CLCN5: variants seen among roughly 807,000 people sequenced by gnomAD.
CLCN5 encodes H(+)/Cl(-) exchange transporter 5.
CLCN5 carries 17 observed loss-of-function variants against 54.0 expected under a neutral mutation model. The ratio of observed to expected loss-of-function variants is 0.31; its 90% CI spans 0.22 to 0.47. The LOEUF is 0.47. Ranked by LOEUF, CLCN5 falls within the 20% of genes least tolerant of loss-of-function variation. CLCN5 has a pLI of 1.00. For missense variants in CLCN5, 448 were observed against 646.7 expected, an observed-to-expected ratio of 0.69 and a Z score of 3.33; for synonymous variants, 222 against 233.0, an observed-to-expected ratio of 0.95 and a Z score of 0.43.
At chrX:50,069,795 G>A (rs1458857640) in intron 4 of CLCN5, 84 bp from the exon 5 acceptor site, 3 of 1,103,100 alleles carry the variant, frequency 2.7e-6, no homozygotes, top group Non-Finnish European at 3.6e-6. Context: ...ATAGTTTAAG[G>A]GCCCGCCTTT....
chrX:50,075,518 C>T (rs868945526), intron 6 of CLCN5, among the ~76,000 whole-genome samples: 1 of 110,964 alleles, frequency 9.0e-6, no homozygotes, highest in Non-Finnish European at 1.9e-5. Context: ...AAGACAGGCC[C>T]ACTAGCCCCT....
chrX:50,067,767 A>C (rs1356558014), intron 4 of CLCN5: 1 of 744,936 alleles, frequency 1.3e-6, no homozygotes, highest in East Asian at 1.5e-4. Context: ...GAAGGTAAGC[A>C]GACTTGAGCC....
intron 3 of CLCN5, among the ~76,000 whole-genome samples, chrX:49,954,023 T>C (rs782642690): frequency 8.9e-5 from 10 of 112,457 alleles, no homozygotes; most frequent in Non-Finnish European, 1.3e-4. Context: ...TATAAGTTAT[T>C]TTTAAGGATA....
Position 50,090,531 on chromosome X carries a change from G to A in CLCN5, c.2143+17G>A. On this transcript the variant is annotated intron_variant, in intron 13 of 14. Transcript: ENST00000376091. ...TTTCAATTGGTAAGGATTTCAGAAA[G>A]GGGATAGTGGAATCCACTGTGGAAC... 8.4e-7 allele frequency: 1 copy of A among 1,196,239 alleles called. No homozygotes were observed. The highest frequency in any genetic ancestry group is 2.3e-4 in the Middle Eastern group (1 of 4,305).
chrX:50,042,837 T>C (rs781919519), intron 4 of CLCN5, among the ~76,000 whole-genome samples: 1 of 112,189 alleles, frequency 8.9e-6, no homozygotes, highest in African/African-American at 3.2e-5. Flanking sequence ...TTTCTTCTTC[T>C]TGCTGAGTAG....
At chrX:50,045,206 T>G (rs1346127455) in intron 4 of CLCN5, among the ~76,000 whole-genome samples, 1 of 111,474 alleles carries the variant, frequency 9.0e-6, no homozygotes, top group African/African-American at 3.3e-5. Context: ...CTTGGGAAGA[T>G]ATGTCAGGAA....
intron 2 of CLCN5, 89 bp from the exon 3 acceptor site, chrX:49,925,082 A>G: frequency 4.5e-6 from 2 of 445,009 alleles, no homozygotes; most frequent in Non-Finnish European, 7.8e-6. Context: ...TCTTTGAAAG[A>G]GAGGTTCAGA....
At chrX:49,943,151 G>C (rs1926475516) in intron 3 of CLCN5, among the ~76,000 whole-genome samples, 1 of 104,228 alleles carries the variant, frequency 9.6e-6, no homozygotes, top group Non-Finnish European at 2.0e-5. Context: ...TTCTCTGATG[G>C]CCAGTGATGA....
chrX:49,944,231 T>A (rs1281565268), intron 3 of CLCN5, among the ~76,000 whole-genome samples: 1 of 111,856 alleles, frequency 8.9e-6, no homozygotes, highest in Non-Finnish European at 1.9e-5. Flanking sequence ...ATAAGAATGC[T>A]TGTGATTTTT....
intron 7 of CLCN5, among the ~76,000 whole-genome samples, chrX:50,078,874 G>C (rs1243849353): frequency 8.9e-6 from 1 of 112,150 alleles, no homozygotes; most frequent in Non-Finnish European, 1.9e-5. Flanking sequence ...CCAGGCTGGA[G>C]TGCAGTGGTG....
chrX:50,039,257 A>G (rs1932118875), intron 3 of CLCN5, among the ~76,000 whole-genome samples: 1 of 112,261 alleles, frequency 8.9e-6, no homozygotes, highest in African/African-American at 3.2e-5. Flanking sequence ...TGGCACCACC[A>G]CACTCCAGCC....
intron 4 of CLCN5, among the ~76,000 whole-genome samples, chrX:50,068,485 G>A (rs1314446611): frequency 2.4e-5 from 1 of 40,951 alleles, no homozygotes; most frequent in African/African-American, 9.0e-5. Flanking sequence ...CCCCCACCCC[G>A]CCCCCACCCT....
intron 3 of CLCN5, among the ~76,000 whole-genome samples, chrX:50,015,603 C>G (rs902448951): frequency 9.1e-6 from 1 of 109,630 alleles, no homozygotes; most frequent in Admixed American, 9.9e-5. Flanking sequence ...CTCTCTCTCT[C>G]TCTCACCTAG....
At chrX:49,966,245 A>G (rs145179241) in intron 3 of CLCN5, among the ~76,000 whole-genome samples, 1 of 111,680 alleles carries the variant, frequency 9.0e-6, no homozygotes, top group Non-Finnish European at 1.9e-5. Flanking sequence ...TCAATTTTTT[A>G]ATAGATGTAG....
chrX:49,995,436 A>T lies in CLCN5; in HGVS notation c.17-46880A>T, dbSNP rs1423961576. Reference sequence around the variant, plus strand: ...TACCTTGTAGCTGAGGCTTCCGAGCAAGGGTAAAGTCAGTCCCTTCCCTCT... The same window carrying T: ...TACCTTGTAGCTGAGGCTTCCGAGCTAGGGTAAAGTCAGTCCCTTCCCTCT... On this transcript the variant is annotated intron_variant, in intron 3 of 14. Coordinates refer to ENST00000376091, the MANE Select transcript of CLCN5 (RefSeq NM_001127898.4). Among the ~76,000 whole-genome samples the T allele has an allele frequency of 6.3e-5, 7 of 111,873 alleles. No individual in the cohort carries two copies. The Admixed American group carries it at 6.6e-4, about 11-fold the overall frequency.
intron 3 of CLCN5, among the ~76,000 whole-genome samples, chrX:49,995,850 G>A (rs1364926081): frequency 9.0e-5 from 10 of 111,708 alleles, no homozygotes; most frequent in African/African-American, 2.0e-4. Flanking sequence ...GAGGGGTTGG[G>A]AAATATGAGA....
intron 3 of CLCN5, among the ~76,000 whole-genome samples, chrX:50,019,477 T>TTC (rs1241756163): frequency 1.3e-4 from 12 of 94,167 alleles, no homozygotes; most frequent in African/African-American, 4.7e-4. Flanking sequence ...TCTTTTTTTT[T>TTC]TTTTTTTTTT....
intron 3 of CLCN5, among the ~76,000 whole-genome samples, chrX:49,991,968 A>G (rs1216103253): frequency 8.9e-6 from 1 of 111,892 alleles, no homozygotes; most frequent in Non-Finnish European, 1.9e-5. Flanking sequence ...GACTTGTCTC[A>G]TTGTCCTGAG....
intron 3 of CLCN5, among the ~76,000 whole-genome samples, chrX:49,962,357 C>G (rs1400304818): frequency 9.0e-6 from 1 of 111,630 alleles, no homozygotes; most frequent in African/African-American, 3.3e-5. Flanking sequence ...TGAAGACACC[C>G]TCTTTCAATG....
Sources: gnomAD v4.1 joint callset for allele counts (sites outside exome capture counted in the v4.1 genomes callset) on GRCh38, gnomAD v4.1.1 for gene constraint, MANE v1.5 for transcripts, NCBI Gene and HGNC (gene_info 2026-07-23, HGNC 2026-07-21) for gene names.